LSAMP: variants seen among roughly 807,000 people sequenced by gnomAD.
The protein encoded by LSAMP is limbic system associated membrane protein.
LSAMP carries 7 observed loss-of-function variants against 38.6 expected under a neutral mutation model. The ratio of observed to expected loss-of-function variants is 0.18; its 90% confidence interval spans 0.10 to 0.34. LSAMP has a LOEUF of 0.34. LSAMP is among the 10% of genes least tolerant of loss of function. The pLI, the probability that LSAMP is intolerant of heterozygous loss-of-function variation, is 1.00. For synonymous variants in LSAMP, 154 were observed against 166.8 expected (o/e 0.92, Z 0.59); for missense variants, 313 against 420.0 (o/e 0.75, Z 2.23).
intron 3 of LSAMP, among the ~76,000 whole-genome samples, chr3:115,876,836 A>G (rs1936192139): frequency 6.6e-6 from 1 of 152,154 alleles, no homozygotes; most frequent in Non-Finnish European, 1.5e-5. Context: ...TCCCTGAGTT[A>G]TGATTCTGAG....
At chr3:115,928,973 G>GTTTTTTTTTTTTTTTTTTTTTTT (rs67711628) in intron 3 of LSAMP, among the ~76,000 whole-genome samples, 2 of 109,928 alleles carry the variant, frequency 1.8e-5, no homozygotes, top group African/African-American at 7.1e-5. Flanking sequence ...TTTTTTGTTT[G>GTTTTTTTTTTTTTTTTTTTTTTT]TTTTTTTTTT....
chr3:116,077,694 G>T (rs1213234265), intron 2 of LSAMP, among the ~76,000 whole-genome samples: 1 of 152,144 alleles, frequency 6.6e-6, no homozygotes, highest in Non-Finnish European at 1.5e-5. Context: ...CCTTCACCCA[G>T]ACTCTACTTA....
At chr3:116,211,329 G>A (rs13091908) in intron 1 of LSAMP, among the ~76,000 whole-genome samples, 92,646 of 151,998 alleles carry the variant, frequency 0.61, 28,873 homozygotes, top group East Asian at 0.76. Context: ...TTGCTAAGAC[G>A]GTAGATCTTA....
rs556017823 is a variant in LSAMP, at chr3:116,191,972, T to C, written c.156-105416A>G. ...GTAGCCACAGGCCTTAGCTTCTCCA[T>C]CTGCATACTAGGAACACAAATATCT... On this transcript the variant is annotated intron_variant, in intron 1 of 6. Transcript: ENST00000490035. 1.5e-3 allele frequency among the ~76,000 whole-genome samples: 233 copies of C among 152,194 alleles called. 2 individuals are homozygous for C. The highest frequency in any genetic ancestry group is 5.4e-3 in the African/African-American group (226 of 41,512).
chr3:116,176,284 A>G (rs189855129), intron 1 of LSAMP, among the ~76,000 whole-genome samples: 3 of 152,270 alleles, frequency 2.0e-5, no homozygotes, highest in Admixed American at 2.0e-4. Context: ...CAAAAGAGGT[A>G]GGGAGGTATT....
chr3:116,142,067 T>C (rs1312881251), intron 1 of LSAMP, among the ~76,000 whole-genome samples: 2 of 152,016 alleles, frequency 1.3e-5, no homozygotes, highest in Non-Finnish European at 2.9e-5. Flanking sequence ...GAGTATAGTA[T>C]AGCGGTAGGT....
At chr3:115,876,760 C>T (rs774247924) in intron 3 of LSAMP, among the ~76,000 whole-genome samples, 11 of 152,014 alleles carry the variant, frequency 7.2e-5, no homozygotes, top group Non-Finnish European at 1.6e-4. Context: ...CTATATTCTT[C>T]TCTTATCCAT....
At chr3:116,359,233 A>G (rs935369638) in intron 1 of LSAMP, among the ~76,000 whole-genome samples, 1 of 152,222 alleles carries the variant, frequency 6.6e-6, no homozygotes, top group African/African-American at 2.4e-5. Flanking sequence ...CAGTCCATCA[A>G]TCAATAAGGA....
At chr3:116,411,126 A>T (rs943462692) in intron 1 of LSAMP, among the ~76,000 whole-genome samples, 3 of 152,128 alleles carry the variant, frequency 2.0e-5, no homozygotes, top group African/African-American at 7.2e-5. Flanking sequence ...TCAGGAAACA[A>T]CAGGTGCTGG....
intron 6 of LSAMP, among the ~76,000 whole-genome samples, chr3:115,832,651 G>C (rs1302132357): frequency 6.6e-6 from 1 of 152,094 alleles, no homozygotes; most frequent in Admixed American, 6.6e-5. Context: ...AACTTAAGAG[G>C]GGACTATCTT....
intron 2 of LSAMP, among the ~76,000 whole-genome samples, chr3:116,065,926 T>G (rs1372854578): frequency 6.6e-6 from 1 of 152,204 alleles, no homozygotes; most frequent in Non-Finnish European, 1.5e-5. Context: ...TTATCTATAC[T>G]AGGGATGATA....
intron 3 of LSAMP, among the ~76,000 whole-genome samples, chr3:115,988,196 C>G (rs1345807741): frequency 6.6e-6 from 1 of 152,060 alleles, no homozygotes; most frequent in African/African-American, 2.4e-5. Flanking sequence ...AAATCACATG[C>G]AAATTTTCAT....
intron 1 of LSAMP, among the ~76,000 whole-genome samples, chr3:116,402,544 T>C (rs979868855): frequency 1.3e-5 from 2 of 152,090 alleles, no homozygotes; most frequent in African/African-American, 4.8e-5. Context: ...ACAGACATAA[T>C]TATAACCCTA....
At chr3:116,242,619 A>T (rs1247810232) in intron 1 of LSAMP, among the ~76,000 whole-genome samples, 1 of 152,014 alleles carries the variant, frequency 6.6e-6, no homozygotes, top group Admixed American at 6.5e-5. Flanking sequence ...CATTTCTAAC[A>T]TGTTTTTCCA....
chr3:116,247,361 T>G (rs1402350475), intron 1 of LSAMP, among the ~76,000 whole-genome samples: 1 of 152,234 alleles, frequency 6.6e-6, no homozygotes, highest in Non-Finnish European at 1.5e-5. Flanking sequence ...AATATGTACC[T>G]GTCACACGGT....
chr3:115,969,566 A>G (rs1938944174), intron 3 of LSAMP, among the ~76,000 whole-genome samples: 1 of 152,200 alleles, frequency 6.6e-6, no homozygotes, highest in Admixed American at 6.5e-5. Flanking sequence ...TTGAAAGCTC[A>G]TGTCTATAAT....
chr3:116,183,764 A>G (rs931938156), intron 1 of LSAMP, among the ~76,000 whole-genome samples: 4 of 151,858 alleles, frequency 2.6e-5, no homozygotes, highest in Non-Finnish European at 4.4e-5. Flanking sequence ...GGCAAAGATT[A>G]CATTTAAAAG....
chr3:116,332,652 C>T (rs994356178), intron 1 of LSAMP, among the ~76,000 whole-genome samples: 6 of 152,146 alleles, frequency 3.9e-5, no homozygotes, highest in African/African-American at 1.4e-4. Context: ...TCTGTAATTA[C>T]TTTAAATGTA....
At chr3:115,916,159 A>G (rs1937246894) in intron 3 of LSAMP, among the ~76,000 whole-genome samples, 1 of 152,148 alleles carries the variant, frequency 6.6e-6, no homozygotes, top group Non-Finnish European at 1.5e-5. Flanking sequence ...AGAAGGCCAC[A>G]GAGAGTGCTT....
Sources: allele counts gnomAD v4.1 joint callset (sites outside exome capture counted in the v4.1 genomes callset), GRCh38; gene constraint gnomAD v4.1.1; transcripts MANE v1.5; gene names NCBI Gene and HGNC (gene_info 2026-07-23, HGNC 2026-07-21).